The following FAM53B variants were observed in gnomAD, a reference collection of about 807,000 sequenced individuals.
The protein encoded by FAM53B is protein FAM53B.
A neutral mutation model predicts 32.7 loss-of-function variants in FAM53B; 12 were observed. That is an observed-to-expected ratio of 0.37 (90% confidence interval 0.24 to 0.59). The LOEUF (loss-of-function observed/expected upper bound fraction) is 0.59. Among genes scored for constraint, FAM53B ranks in the 20% least tolerant of loss-of-function variants. The probability of loss-of-function intolerance (pLI) is 0.72; values close to 1 mark genes in which losing one functional copy is unlikely to be tolerated. For missense variants in FAM53B, 477 were observed against 577.7 expected, an observed-to-expected ratio of 0.83 and a Z score of 1.79; for synonymous variants, 234 against 228.7, an observed-to-expected ratio of 1.02 and a Z score of -0.21.
At chr10:124,652,903 G>A (rs539666173) in intron 4 of FAM53B, among the ~76,000 whole-genome samples, 4 of 152,312 alleles carry the variant, frequency 2.6e-5, no homozygotes, top group African/African-American at 7.2e-5. Context: ...ACAGGCAGAC[G>A]ACGCCCTGTG....
At chr10:124,625,450 GC>G (rs1273736053) in intron 4 of FAM53B, among the ~76,000 whole-genome samples, 1 of 152,172 alleles carries the variant, frequency 6.6e-6, no homozygotes, top group Admixed American at 6.5e-5. Flanking sequence ...ATTCGATGCA[GC>G]CCGGTGGTGT....
intron 2 of FAM53B, among the ~76,000 whole-genome samples, chr10:124,698,758 G>A (rs538761669): frequency 4.0e-5 from 6 of 151,632 alleles, no homozygotes; most frequent in African/African-American, 7.3e-5. Context: ...CTGTACCCTC[G>A]GCCCCCATTC....
At chr10:124,737,833 T>C (rs1261607680) in intron 1 of FAM53B, among the ~76,000 whole-genome samples, 4 of 152,096 alleles carry the variant, frequency 2.6e-5, no homozygotes, top group Non-Finnish European at 4.4e-5. Context: ...TAACTGCATC[T>C]TTCCTCCCCT....
chr10:124,626,662 A>G (rs1949357951), intron 4 of FAM53B, among the ~76,000 whole-genome samples: 1 of 152,242 alleles, frequency 6.6e-6, no homozygotes, highest in Admixed American at 6.5e-5. Flanking sequence ...AGTCTAAGGC[A>G]TCTTTGTCAC....
At chr10:124,666,086 T>C (rs1949670530) in intron 4 of FAM53B, among the ~76,000 whole-genome samples, 1 of 152,226 alleles carries the variant, frequency 6.6e-6, no homozygotes, top group African/African-American at 2.4e-5. Context: ...CCCAGGTTAT[T>C]GGCTGCCTAG....
intron 2 of FAM53B, among the ~76,000 whole-genome samples, chr10:124,700,891 C>T (rs893935849): frequency 6.6e-6 from 1 of 152,234 alleles, no homozygotes; most frequent in Non-Finnish European, 1.5e-5. Context: ...GGAGCACCCA[C>T]ACTTCCGAAA....
At chr10:124,716,898 G>A (rs979988072) in intron 1 of FAM53B, among the ~76,000 whole-genome samples, 25 of 152,094 alleles carry the variant, frequency 1.6e-4, no homozygotes, top group African/African-American at 5.8e-4. Context: ...TGAGGGGACC[G>A]CAGCGGGCCC....
At chr10:124,716,549 T>G (rs928629898) in intron 1 of FAM53B, among the ~76,000 whole-genome samples, 3 of 152,122 alleles carry the variant, frequency 2.0e-5, no homozygotes, top group Non-Finnish European at 4.4e-5. Context: ...AATCTCAACA[T>G]GGGAATGAGA....
At chr10:124,706,470 G>C (rs975090817) in intron 2 of FAM53B, among the ~76,000 whole-genome samples, 166 bp downstream of exon 2, 2 of 152,194 alleles carry the variant, frequency 1.3e-5, no homozygotes, top group African/African-American at 4.8e-5. Context: ...TCTCAGTCAA[G>C]CTCTGCTCCT....
At chr10:124,690,689 G>A (rs1442416703) in intron 3 of FAM53B, among the ~76,000 whole-genome samples, 3 of 152,146 alleles carry the variant, frequency 2.0e-5, no homozygotes, top group Middle Eastern at 3.4e-3. Context: ...AATGGTACAA[G>A]GAAGAATTTA....
chr10:124,637,543 C>G (rs1949441378), intron 4 of FAM53B, among the ~76,000 whole-genome samples: 2 of 152,180 alleles, frequency 1.3e-5, no homozygotes, highest in Admixed American at 6.5e-5. Flanking sequence ...TAGGCCAGAT[C>G]CCATCTTGAG....
intron 4 of FAM53B, among the ~76,000 whole-genome samples, chr10:124,640,223 G>A (rs1033960927): frequency 1.3e-5 from 2 of 152,224 alleles, no homozygotes; most frequent in African/African-American, 2.4e-5. Context: ...GGTGCACCCC[G>A]TGGGCTTGTC....
chr10:124,740,566 T>G (rs1950194064), intron 1 of FAM53B, among the ~76,000 whole-genome samples: 1 of 152,192 alleles, frequency 6.6e-6, no homozygotes, highest in Admixed American at 6.5e-5. Flanking sequence ...TGGGGTCAGC[T>G]ATTACAGTGC....
intron 1 of FAM53B, among the ~76,000 whole-genome samples, chr10:124,743,553 T>C (rs1158278269): frequency 6.6e-6 from 1 of 152,082 alleles, no homozygotes; most frequent in Non-Finnish European, 1.5e-5. Context: ...ACAAAAGAGT[T>C]GTCTGCAAAC....
At chr10:124,640,120 A>G (rs3781466) in intron 4 of FAM53B, among the ~76,000 whole-genome samples, 90,883 of 152,108 alleles carry the variant, frequency 0.6, 28,161 homozygotes, top group Non-Finnish European at 0.69. Context: ...CAAGGCTGAA[A>G]GCCCTTGGGC....
At chr10:124,692,102 G>C (rs896001343) in intron 3 of FAM53B, among the ~76,000 whole-genome samples, 4 of 152,216 alleles carry the variant, frequency 2.6e-5, no homozygotes, top group African/African-American at 9.6e-5. Context: ...GGATGCTCTG[G>C]AAGATGAGAA....
chr10:124,686,078 T>G (rs912880190), intron 3 of FAM53B, among the ~76,000 whole-genome samples: 2 of 152,226 alleles, frequency 1.3e-5, no homozygotes, highest in Admixed American at 1.3e-4. Flanking sequence ...CCTTGAAGAA[T>G]TCCTGAACCA....
chr10:124,711,661 G>A (rs1304848254), intron 1 of FAM53B, among the ~76,000 whole-genome samples: 1 of 152,132 alleles, frequency 6.6e-6, no homozygotes, highest in Non-Finnish European at 1.5e-5. Flanking sequence ...ATTATACCAG[G>A]GAGACCGTGT....
chr10:124,653,985 C>T (rs759081442), intron 4 of FAM53B, among the ~76,000 whole-genome samples: 3 of 152,214 alleles, frequency 2.0e-5, no homozygotes, highest in Non-Finnish European at 4.4e-5. Context: ...CTCCAATCAG[C>T]ACCCTTCCTG....
Sources: allele counts gnomAD v4.1 joint callset (sites outside exome capture counted in the v4.1 genomes callset), GRCh38; gene constraint gnomAD v4.1.1; transcripts MANE v1.5; gene names NCBI Gene and HGNC (gene_info 2026-07-23, HGNC 2026-07-21).